Variants in ENPP6 observed in about 807,000 individuals in gnomAD.
ENPP6 encodes ectonucleotide pyrophosphatase/phosphodiesterase 6, also known as glycerophosphocholine cholinephosphodiesterase ENPP6.
In ENPP6, 32 loss-of-function variants were observed where a neutral mutation model predicts 42.0. The ratio of observed to expected loss-of-function variants is 0.76; its 90% CI spans 0.58 to 1.02. The LOEUF (loss-of-function observed/expected upper bound fraction) is 1.02, where lower values mean the gene tolerates loss of function less well. Among genes scored for constraint, ENPP6 ranks in the 50% least tolerant of loss-of-function variants. The pLI is 0.00. For synonymous variants in ENPP6, 213 were observed against 216.0 expected, an observed-to-expected ratio of 0.99 and a Z score of 0.12; for missense variants, 552 against 566.8, an observed-to-expected ratio of 0.97 and a Z score of 0.27.
intron 7 of ENPP6, among the ~76,000 whole-genome samples, chr4:184,094,139 T>G (rs1386912886): frequency 6.6e-6 from 1 of 151,876 alleles, no homozygotes; most frequent in Non-Finnish European, 1.5e-5. Context: ...ATTAGCTAGG[T>G]GCGGTGGTGT....
chr4:184,137,381 G>A (rs560486235), intron 2 of ENPP6, among the ~76,000 whole-genome samples: 103 of 152,360 alleles, frequency 6.8e-4, no homozygotes, highest in African/African-American at 2.4e-3. Flanking sequence ...ACAGGCGTGA[G>A]CCACTGTGCC....
At chr4:184,164,433 G>A (rs187327272) in intron 1 of ENPP6, among the ~76,000 whole-genome samples, 9 of 152,188 alleles carry the variant, frequency 5.9e-5, no homozygotes, top group Admixed American at 5.9e-4. Flanking sequence ...AAGTTCTTAG[G>A]GTGGGCCCTA....
chr4:184,113,125 C>T (rs530731607), intron 5 of ENPP6, among the ~76,000 whole-genome samples: 1 of 152,082 alleles, frequency 6.6e-6, no homozygotes, highest in African/African-American at 2.4e-5. Context: ...AGCCCAAATG[C>T]CCAGCAATAG....
chr4:184,151,498 G>C (rs1031190419), intron 2 of ENPP6, among the ~76,000 whole-genome samples: 8 of 152,236 alleles, frequency 5.3e-5, no homozygotes, highest in African/African-American at 1.7e-4. Flanking sequence ...TTATGTGGAG[G>C]GGGCTCAAGG....
intron 1 of ENPP6, among the ~76,000 whole-genome samples, chr4:184,188,134 A>G (rs1561005430): frequency 1.3e-5 from 2 of 152,188 alleles, no homozygotes; most frequent in Admixed American, 1.3e-4. Context: ...ACAGAAGACC[A>G]TTCCAGGACA....
At chr4:184,125,938 A>C (rs753956291) in intron 2 of ENPP6, among the ~76,000 whole-genome samples, 1 of 152,166 alleles carries the variant, frequency 6.6e-6, no homozygotes, top group African/African-American at 2.4e-5. Flanking sequence ...GCTCTCTCAA[A>C]GCTATTTTTT....
chr4:184,175,513 T>C (rs1737546364), intron 1 of ENPP6, among the ~76,000 whole-genome samples: 1 of 152,068 alleles, frequency 6.6e-6, no homozygotes, highest in Non-Finnish European at 1.5e-5. Flanking sequence ...GAAAAGCTCT[T>C]CGTCTGGGGC....
intron 6 of ENPP6, among the ~76,000 whole-genome samples, chr4:184,109,890 A>G (rs115826582): frequency 3.3e-4 from 50 of 152,272 alleles, no homozygotes; most frequent in African/African-American, 1.2e-3. Context: ...TACAAAAGTA[A>G]TATATAATAG....
intron 3 of ENPP6, 26 bp downstream of exon 3, chr4:184,124,135 G>C: frequency 6.4e-7 from 1 of 1,551,418 alleles, no homozygotes; most frequent in Non-Finnish European, 8.9e-7. Context: ...GAAGAAAATG[G>C]TGTGGCTAGA....
At chr4:184,129,779 T>A (rs946963809) in intron 2 of ENPP6, among the ~76,000 whole-genome samples, 2 of 152,218 alleles carry the variant, frequency 1.3e-5, no homozygotes, top group Admixed American at 1.3e-4. Context: ...TTTAGTGGCA[T>A]AATATTTTGA....
chr4:184,163,670 C>A (rs979810973), intron 1 of ENPP6, among the ~76,000 whole-genome samples: 1 of 152,216 alleles, frequency 6.6e-6, no homozygotes, highest in Non-Finnish European at 1.5e-5. Context: ...ATTGCATGAA[C>A]GCTTTCTTAA....
chr4:184,137,519 A>G (rs1736749622), intron 2 of ENPP6, among the ~76,000 whole-genome samples: 1 of 151,612 alleles, frequency 6.6e-6, no homozygotes, highest in Non-Finnish European at 1.5e-5. Context: ...AATTGTAAAT[A>G]CCACTTAACA....
intron 2 of ENPP6, among the ~76,000 whole-genome samples, chr4:184,151,983 G>A (rs186792616): frequency 6.6e-6 from 1 of 152,328 alleles, no homozygotes; most frequent in East Asian, 1.9e-4. Flanking sequence ...AGCCGAGGTG[G>A]CTGCTATGGA....
At chr4:184,116,057 A>C (rs1025474865) in intron 5 of ENPP6, among the ~76,000 whole-genome samples, 1 of 151,874 alleles carries the variant, frequency 6.6e-6, no homozygotes, top group South Asian at 2.1e-4. Flanking sequence ...CTACTAAAAA[A>C]AAAAAATACA....
chr4:184,146,584 C>A (rs1408700173), intron 2 of ENPP6, among the ~76,000 whole-genome samples: 1 of 152,190 alleles, frequency 6.6e-6, no homozygotes, highest in African/African-American at 2.4e-5. Context: ...GGCCGGGGTG[C>A]CCCGTTAATA....
intron 1 of ENPP6, among the ~76,000 whole-genome samples, chr4:184,181,251 C>T (rs1732546556): frequency 1.3e-5 from 2 of 152,128 alleles, no homozygotes; most frequent in African/African-American, 4.8e-5. Context: ...GACTGAACTC[C>T]CATTCACAAT....
At chr4:184,198,123 A>G (rs562741821) in intron 1 of ENPP6, among the ~76,000 whole-genome samples, 23 of 152,248 alleles carry the variant, frequency 1.5e-4, no homozygotes, top group Non-Finnish European at 3.1e-4. Flanking sequence ...GTTTGTTAGA[A>G]AAGAGTGCAA....
At chr4:184,208,196 TC>T (rs1733032932) in intron 1 of ENPP6, among the ~76,000 whole-genome samples, 1 of 151,870 alleles carries the variant, frequency 6.6e-6, no homozygotes, top group African/African-American at 2.4e-5. Context: ...GAATGTAATC[TC>T]CCTGGTGAAA....
chr4:184,124,680 GGTA>G (rs1354201694), intron 2 of ENPP6, among the ~76,000 whole-genome samples: 1 of 152,094 alleles, frequency 6.6e-6, no homozygotes, highest in Non-Finnish European at 1.5e-5. Flanking sequence ...TCAAGTATTA[GGTA>G]GCATCTGATT....
Sources: gnomAD v4.1 joint callset for allele counts (sites outside exome capture counted in the v4.1 genomes callset) on GRCh38, gnomAD v4.1.1 for gene constraint, MANE v1.5 for transcripts, NCBI Gene and HGNC (gene_info 2026-07-23, HGNC 2026-07-21) for gene names.